Variants in BIRC2 observed in about 807,000 individuals in gnomAD.
BIRC2 encodes the protein baculoviral IAP repeat-containing protein 2.
Under a neutral mutation model 60.9 loss-of-function variants are expected in BIRC2, and 18 were observed. The observed-to-expected ratio is 0.30, with a 90% confidence interval of 0.20 to 0.44. The LOEUF is 0.44. Ranked by LOEUF, BIRC2 falls within the 20% of genes least tolerant of loss-of-function variation. The pLI is 1.00. For synonymous variants in BIRC2, 282 were observed against 247.7 expected (o/e 1.14, Z -1.30); for missense variants, 701 against 728.5 (o/e 0.96, Z 0.43).
chr11:102,368,656 C>G, intron 6 of BIRC2, 108 bp downstream of exon 6: 1 of 1,424,760 alleles, frequency 7.0e-7, no homozygotes, highest in Non-Finnish European at 9.5e-7. Flanking sequence ...CTGCTGGTAG[C>G]AGTCCTCCAG....
chr11:102,374,479 C>CG (rs1339894695), intron 6 of BIRC2, among the ~76,000 whole-genome samples: 4 of 149,788 alleles, frequency 2.7e-5, no homozygotes, highest in South Asian at 4.3e-4. Flanking sequence ...TTAGGCTGCT[C>CG]GGGGGTCAGG....
At chr11:102,376,326 C>T (rs1199700106) in intron 6 of BIRC2, among the ~76,000 whole-genome samples, 1 of 152,102 alleles carries the variant, frequency 6.6e-6, no homozygotes, top group Non-Finnish European at 1.5e-5. Flanking sequence ...TTGGGAATGA[C>T]ATGGAGATCT....
chr11:102,353,449 G>A (rs946284579), intron 3 of BIRC2, among the ~76,000 whole-genome samples: 2 of 151,906 alleles, frequency 1.3e-5, no homozygotes, highest in African/African-American at 4.8e-5. Flanking sequence ...CCCCCGAGTA[G>A]CTGGAATTAT....
intron 3 of BIRC2, among the ~76,000 whole-genome samples, chr11:102,361,150 C>G (rs1951481089): frequency 6.6e-6 from 1 of 152,120 alleles, no homozygotes; most frequent in South Asian, 2.1e-4. Flanking sequence ...GCGTGGACAC[C>G]TGTGGAGCAG....
Position 102,350,648 on chromosome 11 carries a change from G to C in BIRC2, c.794G>C (p.Ser265Thr), listed in dbSNP as rs1951348600. ...ETLRFSISNL[S>T]MQTHAARMRT... ...CTGAGGTTTAGCATTTCAAATCTGA[G>C]CATGCAGACACATGCAGCTCGAATG... The change falls in exon 2 of 9, where the codon AGC becomes ACC. Residue 265 changes from serine to threonine, a missense_variant. Around this residue, in one of 4 missense-constraint regions of BIRC2, gnomAD observed 375 missense variants for 365.9 expected, o/e 1.02. Transcript: ENST00000227758. 1.9e-6 allele frequency: 3 copies of C among 1,614,040 alleles called. No homozygotes were observed. In the African/African-American group the frequency reaches 4.0e-5, roughly 22 times the overall value.
At chr11:102,361,854 T>TTC (rs1555047960) in intron 3 of BIRC2, among the ~76,000 whole-genome samples, 90 of 151,138 alleles carry the variant, frequency 6.0e-4, no homozygotes, top group African/African-American at 2.0e-3. Flanking sequence ...TTTTTTTTTT[T>TTC]CCCTTTATTG....
intron 6 of BIRC2, among the ~76,000 whole-genome samples, chr11:102,372,721 T>G (rs1396808090): frequency 1.5e-5 from 2 of 134,128 alleles, no homozygotes; most frequent in Non-Finnish European, 3.2e-5. Flanking sequence ...CTGGGTATCC[T>G]TGTTGACTTT....
chr11:102,351,827 A>G (rs1183987925), intron 3 of BIRC2, among the ~76,000 whole-genome samples: 1 of 152,096 alleles, frequency 6.6e-6, no homozygotes, highest in Non-Finnish European at 1.5e-5. Context: ...GTAATTGAGT[A>G]GCTATGTGAA....
intron 6 of BIRC2, among the ~76,000 whole-genome samples, chr11:102,373,321 A>G (rs1383812824): frequency 6.6e-6 from 1 of 152,044 alleles, no homozygotes; most frequent in Admixed American, 6.6e-5. Context: ...GTTCCTTTCC[A>G]TGTTTAGTGC....
At chr11:102,372,687 T>A (rs1446410273) in intron 6 of BIRC2, among the ~76,000 whole-genome samples, 1 of 138,308 alleles carries the variant, frequency 7.2e-6, no homozygotes, top group Non-Finnish European at 1.5e-5. Flanking sequence ...TTAGGTCCAC[T>A]TGGTGCAGAG....
intron 6 of BIRC2, among the ~76,000 whole-genome samples, chr11:102,375,299 C>T (rs1951696798): frequency 6.6e-6 from 1 of 152,128 alleles, no homozygotes; most frequent in Admixed American, 6.5e-5. Context: ...GACTAGTGTG[C>T]AAAAGACAGG....
At chr11:102,361,840 C>CCT (rs1951488374) in intron 3 of BIRC2, among the ~76,000 whole-genome samples, 1 of 139,726 alleles carries the variant, frequency 7.2e-6, no homozygotes, top group Non-Finnish European at 1.5e-5. Context: ...GTTATTCTCC[C>CCT]TTTTTTTTTT....
At chr11:102,368,198 C>G in intron 5 of BIRC2, 108 bp from the exon 6 acceptor site, 1 of 1,327,730 alleles carries the variant, frequency 7.5e-7, no homozygotes, top group African/African-American at 1.5e-5. Flanking sequence ...AGCTCATCTC[C>G]TTTACCAGAA....
intron 3 of BIRC2, among the ~76,000 whole-genome samples, chr11:102,353,335 T>A (rs996054478): frequency 6.6e-6 from 1 of 152,378 alleles, no homozygotes; most frequent in East Asian, 1.9e-4. Flanking sequence ...TCCTTTTTTT[T>A]ATTTTTTTGA....
chr11:102,368,985 A>G (rs1205938195), intron 6 of BIRC2, among the ~76,000 whole-genome samples: 2 of 151,842 alleles, frequency 1.3e-5, no homozygotes, highest in Admixed American at 1.3e-4. Context: ...AGTGATCCTC[A>G]TACACAAAAT....
At position 102,347,287 on chromosome 11, in the gene BIRC2, C is replaced by G. The variant is rs946315013; in HGVS notation, c.-1347C>G. The G allele has an allele frequency of 1.1e-4, 17 of 152,424 alleles. 1 individual carries two copies. Among genetic ancestry groups the G allele is most frequent in the Admixed American group, 9.2e-4 (14 of 15,298 alleles). The allele number at this position is 152,424 out of a possible 1,614,324, so 9.4% of individuals were successfully genotyped here. A position where few individuals can be genotyped will look rare whatever the true frequency, so the allele number is the denominator to read the frequency against. On this transcript the variant is annotated 5_prime_UTR_variant, in exon 1 of 9. Transcript: ENST00000227758. ...CCGGGCTGATCCGAGCCGAGCGGGCCGTATCTCCTTGTCGGCGCCGCTGAT... is the reference window on the plus strand; with the variant it reads ...CCGGGCTGATCCGAGCCGAGCGGGCGGTATCTCCTTGTCGGCGCCGCTGAT...
intron 6 of BIRC2, 145 bp from the exon 7 acceptor site, chr11:102,377,351 C>A: frequency 1.4e-6 from 1 of 703,720 alleles, no homozygotes; most frequent in Non-Finnish European, 2.2e-6. Flanking sequence ...AAACAACAAA[C>A]TTACAAATGC....
intron 6 of BIRC2, among the ~76,000 whole-genome samples, chr11:102,375,039 C>T (rs572499868): frequency 3.9e-5 from 6 of 152,312 alleles, no homozygotes; most frequent in East Asian, 3.9e-4. Flanking sequence ...ACACGGTGCG[C>T]GCACCCACTG....
intron 3 of BIRC2, among the ~76,000 whole-genome samples, chr11:102,356,851 G>A (rs1023379664): frequency 1.3e-5 from 2 of 151,492 alleles, no homozygotes. Flanking sequence ...GCTAATTTTT[G>A]TATTTTTAGT....
Sources: allele counts gnomAD v4.1 joint callset (sites outside exome capture counted in the v4.1 genomes callset), GRCh38; gene constraint gnomAD v4.1.1; regional missense constraint gnomAD v4.1.1; transcripts MANE v1.5; gene names NCBI Gene and HGNC (gene_info 2026-07-23, HGNC 2026-07-21).